The following CRMP1 variants were observed in gnomAD, a reference collection of about 807,000 sequenced individuals.
CRMP1 encodes collapsin response mediator protein 1.
A neutral mutation model predicts 68.3 loss-of-function variants in CRMP1; 19 were observed. That is an observed-to-expected ratio of 0.28 (90% CI 0.19 to 0.41). CRMP1 has a LOEUF of 0.41. Among genes scored for constraint, CRMP1 ranks in the 10% least tolerant of loss-of-function variants. The pLI, the probability that CRMP1 is intolerant of heterozygous loss-of-function variation, is 1.00. For missense variants in CRMP1, 791 were observed against 967.4 expected, an observed-to-expected ratio of 0.82 and a Z score of 2.42; for synonymous variants, 439 against 399.6, an observed-to-expected ratio of 1.10 and a Z score of -1.18.
chr4:5,840,530 A>AG (rs1334849789), intron 8 of CRMP1, among the ~76,000 whole-genome samples: 5 of 152,370 alleles, frequency 3.3e-5, no homozygotes, highest in African/African-American at 7.2e-5. Context: ...TTCTGCAGCG[A>AG]GGGGGGTGCC....
In CRMP1 at chr4:5,859,480, C is replaced by G. The variant is rs1391986652; in HGVS notation, c.655+1546G>C. Reference sequence around the variant, plus strand: ...ACTTCCATGCCCATCTCTCAGAACTCTCATGTCCCATGCACTACATGAAGG... The same window carrying G: ...ACTTCCATGCCCATCTCTCAGAACTGTCATGTCCCATGCACTACATGAAGG... On this transcript the variant is annotated intron_variant, in intron 3 of 13. Coordinates refer to ENST00000324989, the MANE Select transcript of CRMP1 (RefSeq NM_001014809.3). This position sits in a 1 kb window ranked among gnomAD's most constrained non-coding sequence, Gnocchi z 5.2. Among the ~76,000 whole-genome samples the G allele has an allele frequency of 6.6e-6, 1 of 152,232 alleles. No individual in the cohort carries two copies. Among genetic ancestry groups the G allele is most frequent in the African/African-American group, 2.4e-5 (1 of 41,464 alleles).
Position 5,860,860 on chromosome 4 carries a change from C to T in CRMP1, c.655+166G>A, listed in dbSNP as rs546470350. 8.5e-5 allele frequency among the ~76,000 whole-genome samples: 13 copies of T among 152,296 alleles called. 1 individual carries two copies. The highest frequency in any genetic ancestry group is 3.3e-4 in the Admixed American group (5 of 15,298). On this transcript the variant is annotated intron_variant, in intron 3 of 13. Coordinates refer to ENST00000324989, the MANE Select transcript of CRMP1 (RefSeq NM_001014809.3). The surrounding 1 kb of genome is among the most constrained non-coding windows in gnomAD (Gnocchi z 4.2). ...TCTTCTGTGGCCCCAGTGGCACACA[C>T]GGTATGCTCTGTAAAACAGTGACCT...
rs1375839518 is a variant in CRMP1, at chr4:5,841,923, G to T, written c.1033-495C>A. Among the ~76,000 whole-genome samples the T allele has an allele frequency of 1.3e-5, 2 of 152,230 alleles. No homozygotes were observed. The highest frequency in any genetic ancestry group is 2.9e-5 in the Non-Finnish European group (2 of 68,054). On this transcript the variant is annotated intron_variant, in intron 7 of 13. Coordinates refer to ENST00000324989, the MANE Select transcript of CRMP1 (RefSeq NM_001014809.3). The surrounding 1 kb of genome is among the most constrained non-coding windows in gnomAD (Gnocchi z 6.9). ...TGGCCAGGCACGGTGGCTCACACCT[G>T]TAATCCCAGCACTTTGGGAGGCCAA...
At position 5,853,659 on chromosome 4, in the gene CRMP1, T is replaced by C. The variant is rs1053306356; in HGVS notation, c.821-2190A>G. ...CCCCACTCCCGTGTTCATTGAGGCATTGTTTATAACAGCCAAGATTAGGAA... is the reference window on the plus strand; with the variant it reads ...CCCCACTCCCGTGTTCATTGAGGCACTGTTTATAACAGCCAAGATTAGGAA... On this transcript the variant is annotated intron_variant, in intron 4 of 13. Transcript: ENST00000324989. The surrounding 1 kb of genome is among the most constrained non-coding windows in gnomAD (Gnocchi z 4.7). 1.1e-4 allele frequency among the ~76,000 whole-genome samples: 16 copies of C among 152,344 alleles called. No homozygotes were observed. Among genetic ancestry groups the C allele is most frequent in the African/African-American group, 3.1e-4 (13 of 41,582 alleles).
chr4:5,846,431 G>C (rs182014321), intron 6 of CRMP1, among the ~76,000 whole-genome samples: 2 of 152,164 alleles, frequency 1.3e-5, no homozygotes, highest in Non-Finnish European at 2.9e-5. Flanking sequence ...TCAGGGTAGC[G>C]GAGGGATTAT....
At chr4:5,880,852 A>G (rs904057909) in intron 1 of CRMP1, among the ~76,000 whole-genome samples, 6 of 152,260 alleles carry the variant, frequency 3.9e-5, no homozygotes, top group Admixed American at 1.3e-4. Context: ...AAGGAAGTCC[A>G]CAATCTTGCT....
At position 5,888,172 on chromosome 4, in the gene CRMP1, G is replaced by A. The variant is rs917669826; in HGVS notation, c.381+4417C>T. On this transcript the variant is annotated intron_variant, in intron 1 of 13. Coordinates refer to ENST00000324989, the MANE Select transcript of CRMP1 (RefSeq NM_001014809.3). This position sits in a 1 kb window ranked among gnomAD's most constrained non-coding sequence, Gnocchi z 6.4. The stretch of plus-strand genomic sequence containing the variant: ...CCCGTGGATCTGGACCCTGCCGGGC[G>A]CCCACTCCCAGCCCACAAAGGCCAG... 3.2e-6 allele frequency: 4 copies of A among 1,237,154 alleles called. No homozygotes were observed. The African/African-American group carries it at 4.7e-5, about 14-fold the overall frequency. 76.6% of individuals were successfully genotyped at this position (1,237,154 alleles called of 1,614,324 possible).
rs563240482 is a variant in CRMP1 at position 5,889,147 on chromosome 4, C to G, written c.381+3442G>C. ...CCACCCTCTCCATCCTAGCATTGAACCAGCCCTCCCTGGGGGCCTCTAAGG... is the reference window on the plus strand; with the variant it reads ...CCACCCTCTCCATCCTAGCATTGAAGCAGCCCTCCCTGGGGGCCTCTAAGG... On this transcript the variant is annotated intron_variant, in intron 1 of 13. Transcript: ENST00000324989. The surrounding 1 kb of genome is among the most constrained non-coding windows in gnomAD (Gnocchi z 4.5). 1.3e-5 allele frequency among the ~76,000 whole-genome samples: 2 copies of G among 152,150 alleles called. No individual in the cohort carries two copies. Among genetic ancestry groups the G allele is most frequent in the Admixed American group, 1.3e-4 (2 of 15,288 alleles).
chr4:5,880,569 G>A (rs764007943), intron 1 of CRMP1, among the ~76,000 whole-genome samples: 4 of 152,220 alleles, frequency 2.6e-5, no homozygotes, highest in East Asian at 1.9e-4. Flanking sequence ...GATGTGCAAT[G>A]TGACGATCCC....
chr4:5,890,666 G>A lies in CRMP1; in HGVS notation c.381+1923C>T, dbSNP rs1240998715. Among the ~76,000 whole-genome samples, 2 of 152,232 alleles carry A rather than the reference G, an allele frequency of 1.3e-5. No homozygotes were observed. Among genetic ancestry groups the A allele is most frequent in the South Asian group, 2.1e-4 (1 of 4,836 alleles). On this transcript the variant is annotated intron_variant, in intron 1 of 13. Coordinates refer to ENST00000324989, the MANE Select transcript of CRMP1 (RefSeq NM_001014809.3). This position sits in a 1 kb window ranked among gnomAD's most constrained non-coding sequence, Gnocchi z 5.5. ...GCCTGAGAAGCCATGGAGAAAGGCA[G>A]AGGGGACCACAGGGAGAAGAGGAAG...
Position 5,883,043 on chromosome 4 carries a change from T to C in CRMP1, c.381+9546A>G, listed in dbSNP as rs373162232. Among the ~76,000 whole-genome samples the C allele has an allele frequency of 2.6e-5, 4 of 152,282 alleles. No homozygotes were observed. Among genetic ancestry groups the C allele is most frequent in the African/African-American group, 9.6e-5 (4 of 41,562 alleles). On this transcript the variant is annotated intron_variant, in intron 1 of 13. Transcript: ENST00000324989. This position sits in a 1 kb window ranked among gnomAD's most constrained non-coding sequence, Gnocchi z 4.5. ...GTATTTCCACTTCTGCGTCCTCTGA[T>C]TCACCTGTGTGAAATATTCCACCCA...
chr4:5,883,425 C>T lies in CRMP1; in HGVS notation c.381+9164G>A, dbSNP rs563041990. 1.3e-5 allele frequency among the ~76,000 whole-genome samples: 2 copies of T among 152,140 alleles called. No individual in the cohort carries two copies. Among genetic ancestry groups the T allele is most frequent in the Admixed American group, 6.6e-5 (1 of 15,266 alleles). ...AGCAATTTCTCCTGCCTCAGCCTCC[C>T]GAATAGCTGGGATTACAGGTGCCCG... On this transcript the variant is annotated intron_variant, in intron 1 of 13. Coordinates refer to ENST00000324989, the MANE Select transcript of CRMP1 (RefSeq NM_001014809.3). The surrounding 1 kb of genome is among the most constrained non-coding windows in gnomAD (Gnocchi z 4.5).
Position 5,847,211 on chromosome 4 carries a change from T to G in CRMP1, c.963+2181A>C, listed in dbSNP as rs182049907. Among the ~76,000 whole-genome samples, 7 of 152,096 alleles carry G rather than the reference T, an allele frequency of 4.6e-5. No individual in the cohort carries two copies. In the East Asian group the frequency reaches 1.4e-3, roughly 29 times the overall value. ...CACTGCATGTTGTATATCAGGAGGG[T>G]CAGGGAGATATCTTCCTTCTTTAGC... On this transcript the variant is annotated intron_variant, in intron 6 of 13. Coordinates refer to ENST00000324989, the MANE Select transcript of CRMP1 (RefSeq NM_001014809.3).
chr4:5,861,049 A>T lies in CRMP1; in HGVS notation c.632T>A (p.Leu211Gln), dbSNP rs755864249. The change falls in exon 3 of 14, where the codon CTG (leucine) becomes CAG (glutamine). Residue 211 changes from leucine to glutamine, a missense_variant. Physicochemically the swap from Leu to Gln is moderately radical, Grantham distance 113. This residue lies in a region of CRMP1 where 594 missense variants were observed against 763.6 expected (regional missense o/e 0.78). Transcript: ENST00000324989. This position sits in a 1 kb window ranked among gnomAD's most constrained non-coding sequence, Gnocchi z 6.0. ...ACTGATCATCGTGGTCCCGCCCACC[A>T]GTGCCGCCCTGGTCCCTTGGAAGAA... ...DDFFQGTRAA[L>Q]VGGTTMIIDH... is the part of the protein sequence containing the mutation. 6.2e-7 allele frequency: 1 copy of T among 1,614,160 alleles called. No individual in the cohort carries two copies. The highest frequency in any genetic ancestry group is 8.5e-7 in the Non-Finnish European group (1 of 1,180,020).
rs550871738 is a variant in CRMP1, at chr4:5,858,521, G to A, written c.656-2214C>T. Among the ~76,000 whole-genome samples the A allele has an allele frequency of 7.5e-4, 114 of 152,026 alleles. No homozygotes were observed. Among genetic ancestry groups the A allele is most frequent in the African/African-American group, 2.5e-3 (105 of 41,446 alleles). ...ATGCCCCCGTGTGTGACCCAGCACC[G>A]AAGGCTGTTGACTGGCCTCCTCCAT... On this transcript the variant is annotated intron_variant, in intron 3 of 13. Transcript: ENST00000324989. The surrounding 1 kb of genome is among the most constrained non-coding windows in gnomAD (Gnocchi z 5.5).
At chr4:5,885,925 C>G (rs932636161) in intron 1 of CRMP1, among the ~76,000 whole-genome samples, 7 of 150,768 alleles carry the variant, frequency 4.6e-5, no homozygotes, top group Non-Finnish European at 1.5e-5. Context: ...AAGGTGCAGC[C>G]ATTTGAAAAG....
intron 9 of CRMP1, 142 bp downstream of exon 9, chr4:5,839,380 A>AT: frequency 9.8e-7 from 1 of 1,024,626 alleles, no homozygotes; most frequent in Non-Finnish European, 1.4e-6. Context: ...TGTAAGCCAT[A>AT]TGAGCGCAGT....
At position 5,842,153 on chromosome 4, in the gene CRMP1, G is replaced by A. The variant is rs558640264; in HGVS notation, c.1033-725C>T. On this transcript the variant is annotated intron_variant, in intron 7 of 13. Coordinates refer to ENST00000324989, the MANE Select transcript of CRMP1 (RefSeq NM_001014809.3). This position sits in a 1 kb window ranked among gnomAD's most constrained non-coding sequence, Gnocchi z 4.5. ...CTTGGGAGGCTGAGGCAGGAGAATG[G>A]TGTGAACCCGGGAGGCAGAGCTTGC... is the stretch of plus-strand genomic sequence containing the variant. Among the ~76,000 whole-genome samples, 1 of 152,114 alleles carries A rather than the reference G, an allele frequency of 6.6e-6. No homozygotes were observed. Among genetic ancestry groups the A allele is most frequent in the East Asian group, 1.9e-4 (1 of 5,162 alleles).
At position 5,825,968 on chromosome 4, in the gene CRMP1, TAACAAAA is replaced by T; in HGVS notation, c.1804-316_1804-310del. On this transcript the variant is annotated intron_variant, in intron 12 of 13. Transcript: ENST00000324989. The surrounding 1 kb of genome is among the most constrained non-coding windows in gnomAD (Gnocchi z 4.4). ...CACACATATATGCATGCACATGCAG[TAACAAAA>T]CAGGCCTACACAGTAGCATACACGC... The T allele has an allele frequency of 1.5e-4, 63 of 423,108 alleles. No homozygotes were observed. Among genetic ancestry groups the T allele is most frequent in the Non-Finnish European group, 2.3e-4 (54 of 236,812 alleles). The allele number at this position is 423,108 out of a possible 1,614,324, so 26.2% of individuals were successfully genotyped here. A position where few individuals can be genotyped will look rare whatever the true frequency, so the allele number is the denominator to read the frequency against.
Sources: allele counts gnomAD v4.1 joint callset (sites outside exome capture counted in the v4.1 genomes callset), GRCh38; gene constraint gnomAD v4.1.1; regional missense constraint gnomAD v4.1.1; non-coding constraint Gnocchi (gnomAD v3.1); transcripts MANE v1.5; gene names NCBI Gene and HGNC (gene_info 2026-07-23, HGNC 2026-07-21).